Variants in CACNA1S observed in about 807,000 individuals in gnomAD.
CACNA1S encodes voltage-dependent L-type calcium channel subunit alpha-1S.
CACNA1S carries 126 observed loss-of-function variants against 207.4 expected under a neutral mutation model. The ratio of observed to expected loss-of-function variants is 0.61; its 90% CI spans 0.53 to 0.70. CACNA1S has a LOEUF of 0.70. CACNA1S is among the 30% of genes least tolerant of loss of function. The pLI is 0.00. For missense variants in CACNA1S, 2,349 were observed against 2,422.8 expected (o/e 0.97, Z 0.64); for synonymous variants, 960 against 932.7 (o/e 1.03, Z -0.53).
chr1:201,112,173 G>GTGT lies in CACNA1S; in HGVS notation c.152+14_152+15insACA. 1 of 1,609,930 alleles carries GTGT rather than the reference G, an allele frequency of 6.2e-7. No individual in the cohort carries two copies. Among genetic ancestry groups the GTGT allele is most frequent in the Non-Finnish European group, 8.5e-7 (1 of 1,176,912 alleles). ...GACGCACACCCCCCCCCACGGCCCG[G>GTGT]GCCCTGAAGGATACTTCCATTCTAC... On this transcript the variant is annotated intron_variant, in intron 1 of 43. Transcript: ENST00000362061.
chr1:201,041,572 T>C lies in CACNA1S; in HGVS notation c.5066A>G (p.Glu1689Gly). The part of the protein sequence containing the change: ...HVFSSVHYER[E>G]FPEETETPAT... ...AGGCGTCTCTGTCTCTTCTGGGAAC[T>C]CCCTTTCATAGTGGACACTGAAATG... The change falls in exon 41 of 44, where the codon GAG becomes GGG. Residue 1689 changes from glutamate (E) to glycine (G), a missense_variant. Physicochemically the swap from Glu to Gly is moderately conservative, Grantham distance 98 (BLOSUM62 -2). Transcript: ENST00000362061. The C allele has an allele frequency of 6.2e-7, 1 of 1,613,962 alleles. No homozygotes were observed. Among genetic ancestry groups the C allele is most frequent in the Non-Finnish European group, 8.5e-7 (1 of 1,179,824 alleles).
chr1:201,079,430 T>G (rs1465119294), intron 10 of CACNA1S, among the ~76,000 whole-genome samples: 1 of 152,150 alleles, frequency 6.6e-6, no homozygotes, highest in Non-Finnish European at 1.5e-5. Flanking sequence ...AAGCATTCTG[T>G]CCTTGGTTTC....
At chr1:201,069,706 T>C in intron 17 of CACNA1S, 105 bp from the exon 18 acceptor site, 2 of 1,375,096 alleles carry the variant, frequency 1.5e-6, no homozygotes, top group Non-Finnish European at 2.0e-6. Context: ...CTCCTGCTCC[T>C]CCCTGGCCAG....
At chr1:201,071,127 G>A (rs1431474633) in intron 16 of CACNA1S, among the ~76,000 whole-genome samples, 2 of 152,006 alleles carry the variant, frequency 1.3e-5, no homozygotes, top group Admixed American at 6.5e-5. Context: ...GTGATCAGAC[G>A]GTGGGGGCAC....
At chr1:201,056,092 C>CAT (rs1473642907) in intron 28 of CACNA1S, among the ~76,000 whole-genome samples, 5 of 148,500 alleles carry the variant, frequency 3.4e-5, no homozygotes, top group African/African-American at 1.2e-4. Context: ...CACACACACA[C>CAT]ACACACACAC....
chr1:201,052,854 A>G (rs1660702838), intron 31 of CACNA1S, among the ~76,000 whole-genome samples: 1 of 152,112 alleles, frequency 6.6e-6, no homozygotes, highest in Non-Finnish European at 1.5e-5. Flanking sequence ...GCCAAAGAAA[A>G]GAGGGAGGGT....
rs1661584921 is a variant in CACNA1S, at chr1:201,075,619, T to C, written c.1828-4A>G. ...TCCAGTCTTCCCCTGTCAGTACCTG[T>C]ATGGAGGGAGGATAGAGGGCTCGGG... On this transcript the variant is annotated splice_polypyrimidine_tract_variant and splice_region_variant and intron_variant, in intron 12 of 43. Transcript: ENST00000362061. 2 of 1,614,010 alleles carry C rather than the reference T, an allele frequency of 1.2e-6. No homozygotes were observed. The highest frequency in any genetic ancestry group is 2.7e-5 in the African/African-American group (2 of 75,046).
rs115081939 is a variant in CACNA1S at position 201,046,914 on chromosome 1, C to T, written c.4668+201G>A. ...TTGGTCCTATCATCCAGAGATGAAG[C>T]GCCCTGGTTCTTTTTTTGAGGTTGA... On this transcript the variant is annotated intron_variant, in intron 38 of 43. Coordinates refer to ENST00000362061, the MANE Select transcript of CACNA1S (RefSeq NM_000069.3). Among the ~76,000 whole-genome samples, 1,017 of 152,302 alleles carry T rather than the reference C, an allele frequency of 6.7e-3. 21 individuals are homozygous for T. The highest frequency in any genetic ancestry group is 0.03 in the South Asian group (143 of 4,828).
Position 201,047,144 on chromosome 1 carries a change from G to A in CACNA1S, c.4639C>T (p.Arg1547Trp), listed in dbSNP as rs757433005. The change falls in exon 38 of 44, where the codon CGG becomes TGG. Residue 1547 changes from arginine (R) to tryptophan (W), a missense_variant. Arg to Trp is a moderately radical substitution (Grantham distance 101). Transcript: ENST00000362061. ...MKRQEEYYGY[R>W]PKKDIVQIQA... is the part of the protein sequence containing the mutation. ...ATCTGTACAATGTCCTTCTTGGGCC[G>A]ATAGCCATAATACTCCTCTTGGCGT... The A allele has an allele frequency of 9.5e-5, 153 of 1,614,076 alleles. 1 individual carries two copies. Among genetic ancestry groups the A allele is most frequent in the East Asian group, 4.2e-4 (19 of 44,900 alleles).
In CACNA1S at chr1:201,089,392, T is replaced by C. The variant is rs190152688; in HGVS notation, c.766A>G (p.Ile256Val). The C allele has an allele frequency of 3.7e-5, 59 of 1,614,212 alleles. No homozygotes were observed. In the East Asian group the frequency reaches 1.3e-3, roughly 35 times the overall value. Residue 256 changes from isoleucine (I) to valine (V), a missense_variant, in exon 6 of 44, where the codon ATC (isoleucine) becomes GTC (valine). By Grantham distance (29) the Ile-to-Val change is conservative. Coordinates refer to ENST00000362061, the MANE Select transcript of CACNA1S (RefSeq NM_000069.3). ...ARTGSGRRCT[I>V]NGSECRGGWP... The stretch of plus-strand genomic sequence containing the variant: ...CCGCCCCGGCACTCACTGCCATTGA[T>C]GGTGCACCGGCGCCCTGAGCCCGTC...
intron 2 of CACNA1S, among the ~76,000 whole-genome samples, chr1:201,097,156 A>G (rs6704355): frequency 0.89 from 134,402 of 151,692 alleles, 60,188 homozygotes; most frequent in Middle Eastern, 0.97. Flanking sequence ...CCTCCTCTTC[A>G]ACTGCCCCTG....
intron 12 of CACNA1S, 67 bp from the exon 13 acceptor site, chr1:201,075,682 A>G (rs903564261): frequency 3.9e-6 from 6 of 1,558,306 alleles, no homozygotes; most frequent in Non-Finnish European, 5.3e-6. Context: ...TTGGGACCGC[A>G]TTGACCGAAG....
intron 31 of CACNA1S, 139 bp from the exon 32 acceptor site, chr1:201,052,787 CCTG>C: frequency 1.4e-6 from 1 of 715,904 alleles, no homozygotes; most frequent in Admixed American, 2.3e-5. Flanking sequence ...CCACATCAGA[CCTG>C]AAGCCAAAAA....
At chr1:201,059,841 C>T (rs754863865) in intron 26 of CACNA1S, among the ~76,000 whole-genome samples, 1 of 152,220 alleles carries the variant, frequency 6.6e-6, no homozygotes, top group Non-Finnish European at 1.5e-5. Context: ...CCACTATGAC[C>T]CTCCTTAAAT....
At position 201,047,136 on chromosome 1, in the gene CACNA1S, C is replaced by G; in HGVS notation, c.4647G>C (p.Lys1549Asn). ...RQEEYYGYRP[K>N]KDIVQIQAGL... is the part of the protein sequence containing the mutation. Reference sequence around the variant, plus strand: ...TTACCTGGATCTGTACAATGTCCTTCTTGGGCCGATAGCCATAATACTCCT... The same window carrying G: ...TTACCTGGATCTGTACAATGTCCTTGTTGGGCCGATAGCCATAATACTCCT... The change falls in exon 38 of 44, where the codon AAG (lysine) becomes AAC (asparagine). Residue 1549 changes from lysine (K) to asparagine (N), a missense_variant. Coordinates refer to ENST00000362061, the MANE Select transcript of CACNA1S (RefSeq NM_000069.3). 1.2e-6 allele frequency: 2 copies of G among 1,614,220 alleles called. No homozygotes were observed. The highest frequency in any genetic ancestry group is 1.7e-6 in the Non-Finnish European group (2 of 1,180,042).
rs150884811 is a variant in CACNA1S, at chr1:201,093,173, A to G, written c.398+709T>C. On this transcript the variant is annotated intron_variant, in intron 3 of 43. Coordinates refer to ENST00000362061, the MANE Select transcript of CACNA1S (RefSeq NM_000069.3). The stretch of plus-strand genomic sequence containing the variant: ...ATATGCTGAAGCCCTAACCCCTAGC[A>G]CCTCAGAATGTGGTTGTATTTGGAG... 2.7e-4 allele frequency among the ~76,000 whole-genome samples: 41 copies of G among 152,346 alleles called. No homozygotes were observed. In the East Asian group the frequency reaches 7.1e-3, roughly 26 times the overall value.
intron 2 of CACNA1S, among the ~76,000 whole-genome samples, chr1:201,098,248 G>A (rs1401585697): frequency 6.6e-6 from 1 of 152,206 alleles, no homozygotes; most frequent in Non-Finnish European, 1.5e-5. Flanking sequence ...TGCTGCTAGA[G>A]GTGCAGGCTG....
intron 12 of CACNA1S, 110 bp downstream of exon 12, chr1:201,076,810 C>A (rs922657270): frequency 3.0e-6 from 3 of 990,110 alleles, no homozygotes; most frequent in Non-Finnish European, 3.3e-6. Flanking sequence ...ACTCAACCAG[C>A]AGATCAGACA....
intron 9 of CACNA1S, among the ~76,000 whole-genome samples, chr1:201,084,607 C>T (rs1012465465): frequency 6.6e-6 from 1 of 152,168 alleles, no homozygotes; most frequent in African/African-American, 2.4e-5. Context: ...TTCCCTCTTC[C>T]CTCGCAGAGG....
Sources: gnomAD v4.1 joint callset for allele counts (sites outside exome capture counted in the v4.1 genomes callset) on GRCh38, gnomAD v4.1.1 for gene constraint, MANE v1.5 for transcripts, NCBI Gene and HGNC (gene_info 2026-07-23, HGNC 2026-07-21) for gene names.